DEPTOR: variants seen among roughly 807,000 people sequenced by gnomAD.
DEPTOR encodes the protein DEP domain containing MTOR interacting protein.
DEPTOR carries 41 observed loss-of-function variants against 41.6 expected under a neutral mutation model. The ratio of observed to expected loss-of-function variants is 0.98; its 90% CI spans 0.77 to 1.28. The LOEUF is 1.28. Ranked by LOEUF, DEPTOR falls within the 50% of genes most tolerant of loss-of-function variation. The pLI is 0.00. For missense variants in DEPTOR, 514 were observed against 527.9 expected (o/e 0.97, Z 0.26); for synonymous variants, 195 against 192.3 (o/e 1.01, Z -0.12).
intron 4 of DEPTOR, among the ~76,000 whole-genome samples, chr8:119,967,860 C>T (rs977083454): frequency 6.6e-6 from 1 of 151,752 alleles, no homozygotes; most frequent in Non-Finnish European, 1.5e-5. Context: ...TGAGTTACAA[C>T]CTAAAAATTA....
chr8:119,940,855 G>A (rs978999269), intron 3 of DEPTOR, among the ~76,000 whole-genome samples: 2 of 152,200 alleles, frequency 1.3e-5, no homozygotes, highest in African/African-American at 4.8e-5. Context: ...TCACAAAAGG[G>A]ATAAATATTA....
At chr8:119,933,942 T>C (rs1828077331) in intron 3 of DEPTOR, among the ~76,000 whole-genome samples, 1 of 152,112 alleles carries the variant, frequency 6.6e-6, no homozygotes, top group African/African-American at 2.4e-5. Flanking sequence ...TGCAGTGGCA[T>C]GATCTCGGCT....
At chr8:119,991,068 TTCTTTCTTTCTTTCTTTCTTTTTC>T (rs1231620601) in intron 4 of DEPTOR, among the ~76,000 whole-genome samples, 27 of 71,734 alleles carry the variant, frequency 3.8e-4, no homozygotes, top group Admixed American at 1.3e-3. Flanking sequence ...CTTTCTTTCT[TTCTTTCTTTCTTTCTTTCTTTTTC>T]TTTCTTTCTT....
chr8:119,940,133 C>T (rs1021722659), intron 3 of DEPTOR, among the ~76,000 whole-genome samples: 6 of 152,010 alleles, frequency 3.9e-5, no homozygotes, highest in African/African-American at 1.4e-4. Flanking sequence ...AGGAGAATCG[C>T]TTGAACGCAG....
chr8:120,001,791 T>C, intron 5 of DEPTOR, 81 bp downstream of exon 5: 1 of 1,473,178 alleles, frequency 6.8e-7, no homozygotes, highest in Non-Finnish European at 9.1e-7. Flanking sequence ...TTTGTGAAAT[T>C]CTGTTCTCTA....
chr8:119,883,348 G>A (rs1012399823), intron 1 of DEPTOR, among the ~76,000 whole-genome samples: 11 of 151,830 alleles, frequency 7.2e-5, no homozygotes, highest in Admixed American at 2.6e-4. Context: ...GGTGGCAGAC[G>A]CCTGTAGTCC....
intron 4 of DEPTOR, among the ~76,000 whole-genome samples, chr8:119,994,147 A>G (rs1013968591): frequency 7.9e-5 from 12 of 152,018 alleles, no homozygotes; most frequent in African/African-American, 2.9e-4. Context: ...CGAAAAAAAA[A>G]AGAAAAAGAA....
At chr8:120,038,231 T>G (rs1813006626) in intron 8 of DEPTOR, among the ~76,000 whole-genome samples, 1 of 145,474 alleles carries the variant, frequency 6.9e-6, no homozygotes, top group South Asian at 2.2e-4. Flanking sequence ...ATTGTGCCAC[T>G]GCACTCCAGC....
intron 8 of DEPTOR, among the ~76,000 whole-genome samples, chr8:120,035,427 T>A (rs1033223521): frequency 6.6e-6 from 1 of 152,190 alleles, no homozygotes; most frequent in Non-Finnish European, 1.5e-5. Context: ...ACTTCCTATA[T>A]CCACAGTAAA....
intron 1 of DEPTOR, among the ~76,000 whole-genome samples, chr8:119,895,416 A>C (rs1827507853): frequency 6.6e-6 from 1 of 152,244 alleles, no homozygotes; most frequent in African/African-American, 2.4e-5. Flanking sequence ...ATCAGCAAGA[A>C]GGGACGTGCA....
intron 1 of DEPTOR, among the ~76,000 whole-genome samples, chr8:119,877,918 C>T (rs368504270): frequency 3.3e-5 from 5 of 151,950 alleles, no homozygotes; most frequent in South Asian, 2.1e-4. Flanking sequence ...ACAATCCTGA[C>T]GCTTCTTTTT....
intron 3 of DEPTOR, among the ~76,000 whole-genome samples, chr8:119,958,768 C>T (rs139777791): frequency 3.3e-5 from 5 of 151,696 alleles, no homozygotes; most frequent in African/African-American, 9.7e-5. Context: ...GGTGACAGAT[C>T]GAGACTCTAT....
chr8:119,907,853 A>G (rs1034067339), intron 1 of DEPTOR, among the ~76,000 whole-genome samples: 3 of 152,198 alleles, frequency 2.0e-5, no homozygotes, highest in African/African-American at 7.2e-5. Flanking sequence ...GTGATATAAT[A>G]TGAAATATAT....
chr8:120,010,387 G>A (rs1350787333), intron 8 of DEPTOR, among the ~76,000 whole-genome samples: 1 of 152,084 alleles, frequency 6.6e-6, no homozygotes, highest in Non-Finnish European at 1.5e-5. Flanking sequence ...GGCTGAGGCG[G>A]GTGGATCACT....
intron 1 of DEPTOR, among the ~76,000 whole-genome samples, chr8:119,920,181 T>G (rs980466908): frequency 6.6e-6 from 1 of 152,192 alleles, no homozygotes; most frequent in East Asian, 1.9e-4. Flanking sequence ...AATGGTTTAA[T>G]GTGATTGGGA....
At chr8:119,971,523 C>T (rs1828633803) in intron 4 of DEPTOR, among the ~76,000 whole-genome samples, 1 of 152,142 alleles carries the variant, frequency 6.6e-6, no homozygotes, top group Non-Finnish European at 1.5e-5. Flanking sequence ...CAGGTTTGTC[C>T]ACAGACTTCA....
At chr8:119,990,637 A>G (rs1322351334) in intron 4 of DEPTOR, among the ~76,000 whole-genome samples, 2 of 152,122 alleles carry the variant, frequency 1.3e-5, no homozygotes, top group Non-Finnish European at 2.9e-5. Context: ...CTTCTTTTCC[A>G]TCCTCTTGCC....
Position 120,047,255 on chromosome 8 carries a change from C to T in DEPTOR, c.1102-2321C>T, listed in dbSNP as rs141379491. Among the ~76,000 whole-genome samples, 35 of 152,044 alleles carry T rather than the reference C, an allele frequency of 2.3e-4. No homozygotes were observed. In the East Asian group the frequency reaches 6.2e-3, roughly 27 times the overall value. ...CAGGCTGGTCTTGAACTTCTGGCCT[C>T]AGGTGATCTGCCCGCTTCGGCCTCC... On this transcript the variant is annotated intron_variant, in intron 8 of 8. Transcript: ENST00000286234.
intron 8 of DEPTOR, among the ~76,000 whole-genome samples, chr8:120,048,812 G>T (rs192349421): frequency 3.8e-4 from 58 of 152,228 alleles, no homozygotes; most frequent in African/African-American, 1.3e-3. Context: ...TTTACCTGTT[G>T]TACAAGTGAG....
Sources: gnomAD v4.1 joint callset for allele counts (sites outside exome capture counted in the v4.1 genomes callset) on GRCh38, gnomAD v4.1.1 for gene constraint, MANE v1.5 for transcripts, NCBI Gene and HGNC (gene_info 2026-07-23, HGNC 2026-07-21) for gene names.